The following NKD2 variants were observed in gnomAD, a reference collection of about 807,000 sequenced individuals.
NKD2 encodes NKD inhibitor of Wnt signaling pathway 2, also known as protein naked cuticle homolog 2.
Under a neutral mutation model 34.8 loss-of-function variants are expected in NKD2, and 43 were observed. The observed-to-expected ratio is 1.24, with a 90% confidence interval of 0.97 to 1.60. NKD2 has a LOEUF of 1.60. Ranked by LOEUF, NKD2 falls within the 40% of genes most tolerant of loss-of-function variation. The probability of loss-of-function intolerance (pLI) is 0.00; values close to 1 mark genes in which losing one functional copy is unlikely to be tolerated. For missense variants in NKD2, 675 were observed against 627.1 expected (o/e 1.08, Z -0.82); for synonymous variants, 278 against 265.1 (o/e 1.05, Z -0.47).
chr5:1,033,980 C>T (rs1340759507), intron 5 of NKD2, among the ~76,000 whole-genome samples: 1 of 152,248 alleles, frequency 6.6e-6, no homozygotes, highest in Non-Finnish European at 1.5e-5. Flanking sequence ...CTTGCATGAG[C>T]TGAGATAGGT....
chr5:1,018,341 A>T (rs1756040028), intron 3 of NKD2, among the ~76,000 whole-genome samples: 1 of 152,180 alleles, frequency 6.6e-6, no homozygotes, highest in Non-Finnish European at 1.5e-5. Flanking sequence ...TCCGAGCCCC[A>T]TCCTCACATC....
chr5:1,019,990 G>A (rs183403551), intron 3 of NKD2, among the ~76,000 whole-genome samples: 4 of 152,268 alleles, frequency 2.6e-5, no homozygotes, highest in Admixed American at 6.5e-5. Context: ...TTCAGGGCCC[G>A]AGTCGTGGTT....
At chr5:1,014,828 G>T (rs1432478515) in intron 3 of NKD2, among the ~76,000 whole-genome samples, 2 of 152,240 alleles carry the variant, frequency 1.3e-5, no homozygotes, top group Non-Finnish European at 2.9e-5. Context: ...CCTAGTCAAA[G>T]ACCATAGTTG....
At chr5:1,033,559 C>G (rs1756733848) in intron 5 of NKD2, 60 bp downstream of exon 5, 1 of 1,507,622 alleles carries the variant, frequency 6.6e-7, no homozygotes, top group East Asian at 2.5e-5. Flanking sequence ...GGCTCAGGGA[C>G]AGGCATGTGT....
chr5:1,031,469 C>T (rs921478487), intron 3 of NKD2, among the ~76,000 whole-genome samples: 6 of 152,138 alleles, frequency 3.9e-5, no homozygotes, highest in Non-Finnish European at 5.9e-5. Flanking sequence ...CCCGCCTGCC[C>T]GAGAGCTGCC....
intron 8 of NKD2, chr5:1,035,694 G>A (rs888710673): frequency 1.8e-6 from 1 of 554,498 alleles, no homozygotes; most frequent in Admixed American, 3.4e-5. Flanking sequence ...GGGCTTTGAG[G>A]GGCAGCAGCC....
rs1054795761 is a variant in NKD2 at position 1,011,606 on chromosome 5, C to G, written c.141+2046C>G. 5.3e-5 allele frequency among the ~76,000 whole-genome samples: 8 copies of G among 152,230 alleles called. No individual in the cohort carries two copies. In the East Asian group the frequency reaches 5.8e-4, roughly 11 times the overall value. Reference sequence around the variant, plus strand: ...CTTCTCCAAAGTCCACCTCCTGGTTCCGTGCGAGGCATCCTGGGTGCCACA... The same window carrying G: ...CTTCTCCAAAGTCCACCTCCTGGTTGCGTGCGAGGCATCCTGGGTGCCACA... On this transcript the variant is annotated intron_variant, in intron 3 of 9. Coordinates refer to ENST00000296849, the MANE Select transcript of NKD2 (RefSeq NM_033120.4).
At chr5:1,029,713 C>T (rs948457217) in intron 3 of NKD2, among the ~76,000 whole-genome samples, 14 of 152,204 alleles carry the variant, frequency 9.2e-5, no homozygotes, top group Admixed American at 2.0e-4. Context: ...TACTCCACCC[C>T]GTCCAACCCG....
rs1327673011 is a variant in NKD2 at position 1,009,563 on chromosome 5, A to G, written c.141+3A>G. The stretch of plus-strand genomic sequence containing the variant: ...AGCGGCGCGCGCGGGACAAGCAGGT[A>G]GGCGGCGGGGCGGAGGCTGGGGTCG... On this transcript the variant is annotated splice_donor_region_variant and intron_variant, in intron 3 of 9. Transcript: ENST00000296849. This position sits in a 1 kb window ranked among gnomAD's most constrained non-coding sequence, Gnocchi z 6.9. The G allele has an allele frequency of 1.4e-6, 2 of 1,477,716 alleles. No homozygotes were observed. The highest frequency in any genetic ancestry group is 1.8e-6 in the Non-Finnish European group (2 of 1,123,944). 91.5% of individuals were successfully genotyped at this position (1,477,716 alleles called of 1,614,324 possible). A position where few individuals can be genotyped will look rare whatever the true frequency, so the allele number is the denominator to read the frequency against.
rs375162603 is a variant in NKD2 at position 1,032,624 on chromosome 5, C to T, written c.202+412C>T. Among the ~76,000 whole-genome samples the T allele has an allele frequency of 1.1e-4, 17 of 152,356 alleles. No homozygotes were observed. In the East Asian group the frequency reaches 2.3e-3, roughly 21 times the overall value. On this transcript the variant is annotated intron_variant, in intron 4 of 9. Transcript: ENST00000296849. Reference sequence around the variant, plus strand: ...TATGCCTCAGTGGCACCAGTCCTACCTGTGGCGCGTGGCAGGTCAGCACTT... The same window carrying T: ...TATGCCTCAGTGGCACCAGTCCTACTTGTGGCGCGTGGCAGGTCAGCACTT...
chr5:1,036,436 C>A, intron 9 of NKD2, 52 bp downstream of exon 9: 8 of 1,536,198 alleles, frequency 5.2e-6, no homozygotes, highest in Non-Finnish European at 7.1e-6. Flanking sequence ...GGGTGCCCAT[C>A]GAAGGTCTTG....
chr5:1,034,055 G>A (rs1219207536), intron 5 of NKD2, 180 bp from the exon 6 acceptor site: 8 of 601,552 alleles, frequency 1.3e-5, no homozygotes, highest in East Asian at 5.5e-5. Context: ...GCTGGAGCTG[G>A]GCAAGAAGGG....
Position 1,033,410 on chromosome 5 carries a change from C to A in NKD2, c.241C>A (p.Pro81Thr). The change falls in exon 5 of 10, where the codon CCG becomes ACG. Residue 81 changes from proline (P) to threonine (T), a missense_variant. Physicochemically the swap from Pro to Thr is conservative, Grantham distance 38. Transcript: ENST00000296849. ...PAEKAEGREH[P>T]GQLLSADDGE... ...TGAGAAAGCTGAGGGCCGCGAGCAC[C>A]CGGGACAACTCCTCAGCGCAGATGA... 1.3e-6 allele frequency: 2 copies of A among 1,597,594 alleles called. No individual in the cohort carries two copies.
At chr5:1,021,253 C>A (rs1756162096) in intron 3 of NKD2, among the ~76,000 whole-genome samples, 1 of 152,094 alleles carries the variant, frequency 6.6e-6, no homozygotes, top group Admixed American at 6.5e-5. Flanking sequence ...GATATGGAGG[C>A]TCCGTCTGAA....
chr5:1,037,380 C>T (rs1450440807), intron 9 of NKD2: 1 of 765,280 alleles, frequency 1.3e-6, no homozygotes. Flanking sequence ...CTGCACCCTA[C>T]AGGGCTCGCA....
rs1293220848 is a variant in NKD2 at position 1,036,349 on chromosome 5, C to T, written c.752C>T (p.Ala251Val). 3.0e-5 allele frequency: 49 copies of T among 1,612,946 alleles called. No individual in the cohort carries two copies. The highest frequency in any genetic ancestry group is 4.2e-5 in the Non-Finnish European group (49 of 1,179,874). ...TERRNHYLDL[A>V]GIENYTSRFG... is the part of the protein sequence containing the mutation. ...CGCAGAAACCACTACCTGGACCTCG[C>T]CGGGATTGAGAACTACACGTCCAGA... The change falls in exon 9 of 10, where the codon GCC becomes GTC. Residue 251 changes from alanine (A) to valine (V), a missense_variant. Coordinates refer to ENST00000296849, the MANE Select transcript of NKD2 (RefSeq NM_033120.4).
intron 3 of NKD2, among the ~76,000 whole-genome samples, chr5:1,025,869 T>C: frequency 2.0e-5 from 2 of 101,226 alleles, no homozygotes; most frequent in African/African-American, 3.8e-5. Context: ...CCACCCGCTG[T>C]GGGCGTCCCA....
chr5:1,031,344 C>T (rs564051070), intron 3 of NKD2, among the ~76,000 whole-genome samples: 2 of 152,298 alleles, frequency 1.3e-5, no homozygotes, highest in Admixed American at 1.3e-4. Context: ...CAGGGTCAGG[C>T]TCTGGCCGTC....
Position 1,037,946 on chromosome 5 carries a change from C to G in NKD2, c.929C>G (p.Ser310Trp). Reference sequence around the variant, plus strand: ...CTGGTGGAACACGTCGTGCCAGCCTCGGAGCCTGCTGCCCGGGCCCTGGAC... The same window carrying G: ...CTGGTGGAACACGTCGTGCCAGCCTGGGAGCCTGCTGCCCGGGCCCTGGAC... Reference protein sequence around the residue: ...QVLVEHVVPASEPAARALDTQ... With the variant: ...QVLVEHVVPAWEPAARALDTQ... Residue 310 changes from serine to tryptophan, a missense_variant, in exon 10 of 10, where the codon TCG (serine) becomes TGG (tryptophan). Physicochemically the swap from Ser to Trp is radical, Grantham distance 177. Transcript: ENST00000296849. 6.2e-7 allele frequency: 1 copy of G among 1,606,728 alleles called. No individual in the cohort carries two copies. The highest frequency in any genetic ancestry group is 8.5e-7 in the Non-Finnish European group (1 of 1,178,650).
Sources: allele counts gnomAD v4.1 joint callset (sites outside exome capture counted in the v4.1 genomes callset), GRCh38; gene constraint gnomAD v4.1.1; non-coding constraint Gnocchi (gnomAD v3.1); transcripts MANE v1.5; gene names NCBI Gene and HGNC (gene_info 2026-07-23, HGNC 2026-07-21).